The following ARHGAP33 variants were observed in gnomAD, a reference collection of about 807,000 sequenced individuals.
ARHGAP33 encodes Rho GTPase activating protein 33.
ARHGAP33 carries 57 observed loss-of-function variants against 126.2 expected under a neutral mutation model. The ratio of observed to expected loss-of-function variants is 0.45; its 90% CI spans 0.36 to 0.56. The LOEUF (loss-of-function observed/expected upper bound fraction) is 0.56. Ranked by LOEUF, ARHGAP33 falls within the 20% of genes least tolerant of loss-of-function variation. ARHGAP33 has a pLI of 0.00. For missense variants in ARHGAP33, 1,500 were observed against 1,748.3 expected (o/e 0.86, Z 2.53); for synonymous variants, 711 against 755.0 (o/e 0.94, Z 0.95).
intron 19 of ARHGAP33, 168 bp downstream of exon 19, chr19:35,785,651 T>C (rs1158784536): frequency 1.2e-5 from 17 of 1,440,002 alleles, no homozygotes; most frequent in South Asian, 7.3e-5. Context: ...CAGTATCACC[T>C]TTGGTTCATC....
intron 16 of ARHGAP33, chr19:35,784,557 T>G (rs1481783719): frequency 7.6e-7 from 1 of 1,308,752 alleles, no homozygotes; most frequent in African/African-American, 1.6e-5. Flanking sequence ...CCCTTGTAGC[T>G]CCTGGGGGCG....
rs1456330108 is a variant in ARHGAP33 at position 35,787,734 on chromosome 19, C to T, written c.3169C>T (p.Pro1057Ser). ...VPKPGLYPLG[P>S]PSFQPSSPAP... ...CAAGCCAGGCTTGTACCCCCTGGGC[C>T]CCCCATCCTTCCAGCCCAGTTCCCC... Residue 1057 changes from proline to serine, a missense_variant, in exon 21 of 21, where the codon CCC becomes TCC. Physicochemically the swap from Pro to Ser is moderately conservative, Grantham distance 74. Around this residue, in one of 6 missense-constraint regions of ARHGAP33, gnomAD observed 642 missense variants for 634.0 expected, o/e 1.01. Coordinates refer to ENST00000007510, the MANE Select transcript of ARHGAP33 (RefSeq NM_001366178.1). 4 of 1,584,952 alleles carry T rather than the reference C, an allele frequency of 2.5e-6. No homozygotes were observed. Among genetic ancestry groups the T allele is most frequent in the Non-Finnish European group, 3.4e-6 (4 of 1,169,528 alleles).
At chr19:35,781,391 T>C in intron 12 of ARHGAP33, 139 bp downstream of exon 12, 2 of 821,586 alleles carry the variant, frequency 2.4e-6, no homozygotes, top group Non-Finnish European at 3.9e-6. Context: ...GACAGCTCTC[T>C]TGAGAGTAGA....
rs1250853601 is a variant in ARHGAP33, at chr19:35,786,606, C to T, written c.2136C>T (p.His712=). 4 of 1,535,828 alleles carry T rather than the reference C, an allele frequency of 2.6e-6. No homozygotes were observed. The highest frequency in any genetic ancestry group is 1.7e-4 in the Middle Eastern group (1 of 5,978). ...GLGALSGSPS[H]RTSAWLDDGD... The stretch of plus-strand genomic sequence containing the variant: ...GGGCACTCTCTGGGTCTCCCTCACA[C>T]CGTACCTCAGCCTGGCTAGATGATG... The change falls in exon 20 of 21, where the codon CAC becomes CAT. Residue 712 remains histidine, a synonymous_variant. Coordinates refer to ENST00000007510, the MANE Select transcript of ARHGAP33 (RefSeq NM_001366178.1). This position sits in a 1 kb window ranked among gnomAD's most constrained non-coding sequence, Gnocchi z 7.0.
In ARHGAP33 at chr19:35,786,917, C is replaced by T. The variant is rs1278686844; in HGVS notation, c.2447C>T (p.Ala816Val). Residue 816 changes from alanine (A) to valine (V), a missense_variant, in exon 20 of 21, where the codon GCA becomes GTA. Physicochemically the swap from Ala to Val is moderately conservative, Grantham distance 64. Coordinates refer to ENST00000007510, the MANE Select transcript of ARHGAP33 (RefSeq NM_001366178.1). This position sits in a 1 kb window ranked among gnomAD's most constrained non-coding sequence, Gnocchi z 7.0. ...CTAGAACTGCTGGGGGCTGGGGGAG[C>T]ACCTGCCTCAGCCACCCCAACACCA... ...AVLELLGAGG[A>V]PASATPTPAL... The T allele has an allele frequency of 1.2e-6, 2 of 1,609,790 alleles. No individual in the cohort carries two copies. Among genetic ancestry groups the T allele is most frequent in the Admixed American group, 1.7e-5 (1 of 59,904 alleles).
intron 5 of ARHGAP33, 174 bp downstream of exon 5, chr19:35,778,775 T>C: frequency 9.2e-7 from 1 of 1,090,136 alleles, no homozygotes; most frequent in Non-Finnish European, 1.3e-6. Context: ...TACATTTAGC[T>C]TTGCTAAGTT....
chr19:35,786,995 G>C lies in ARHGAP33; in HGVS notation c.2525G>C (p.Arg842Pro). The C allele has an allele frequency of 1.2e-6, 2 of 1,609,584 alleles. No individual in the cohort carries two copies. Among genetic ancestry groups the C allele is most frequent in the Non-Finnish European group, 1.7e-6 (2 of 1,178,450 alleles). Residue 842 changes from arginine to proline, a missense_variant, in exon 20 of 21, where the codon CGA (arginine) becomes CCA (proline). Arg to Pro is a moderately radical substitution (Grantham distance 103). Transcript: ENST00000007510. The surrounding 1 kb of genome is among the most constrained non-coding windows in gnomAD (Gnocchi z 7.0). ...LRPHLIPLLL[R>P]GAEAPLTDAC... Reference sequence around the variant, plus strand: ...CCCCATCTCATACCCCTGCTGCTGCGAGGAGCCGAGGCCCCGCTGACTGAC... The same window carrying C: ...CCCCATCTCATACCCCTGCTGCTGCCAGGAGCCGAGGCCCCGCTGACTGAC...
At chr19:35,783,214 G>T (rs1173396080) in intron 15 of ARHGAP33, among the ~76,000 whole-genome samples, 1 of 152,210 alleles carries the variant, frequency 6.6e-6, no homozygotes, top group Non-Finnish European at 1.5e-5. Context: ...GCTTTGGCAG[G>T]TCTTCTGTGG....
chr19:35,779,565 G>A (rs1030513744), intron 6 of ARHGAP33, among the ~76,000 whole-genome samples: 2 of 152,142 alleles, frequency 1.3e-5, no homozygotes, highest in African/African-American at 4.8e-5. Flanking sequence ...GAGTAGCTGG[G>A]ATTACAGGCA....
chr19:35,784,151 C>T, intron 15 of ARHGAP33, 21 bp from the exon 16 acceptor site: 1 of 1,599,354 alleles, frequency 6.3e-7, no homozygotes. Context: ...ACCCAGCCTC[C>T]CTCCCGCTCC....
rs1228786095 is a variant in ARHGAP33 at position 35,785,590 on chromosome 19, C to T, written c.1942+107C>T. On this transcript the variant is annotated intron_variant, in intron 19 of 20. Coordinates refer to ENST00000007510, the MANE Select transcript of ARHGAP33 (RefSeq NM_001366178.1). ...ATTTTATACTTCACATTTGGGGGCC[C>T]TGGGGCTTTTGAAAAATTTAACCTG... is the stretch of plus-strand genomic sequence containing the variant. 5 of 1,540,604 alleles carry T rather than the reference C, an allele frequency of 3.2e-6. No individual in the cohort carries two copies. In the African/African-American group the frequency reaches 5.5e-5, roughly 17 times the overall value.
rs185730488 is a variant in ARHGAP33 at position 35,779,428 on chromosome 19, G to A, written c.501+304G>A. Among the ~76,000 whole-genome samples the A allele has an allele frequency of 2.6e-5, 4 of 152,182 alleles. No individual in the cohort carries two copies. The East Asian group carries it at 7.7e-4, about 29-fold the overall frequency. On this transcript the variant is annotated intron_variant, in intron 6 of 20. Coordinates refer to ENST00000007510, the MANE Select transcript of ARHGAP33 (RefSeq NM_001366178.1). ...CTGGCTATGAGTGGCTTAAACCAGA[G>A]GGGTTTTTTTTCTTTTCTTGAGATG...
Position 35,788,611 on chromosome 19 carries a change from T to C in ARHGAP33, c.*182T>C. Reference sequence around the variant, plus strand: ...AGCTTCCCTACCCTGGACTGAAGGGTCTGCCCATCCCCCCACCACCCTCCA... The same window carrying C: ...AGCTTCCCTACCCTGGACTGAAGGGCCTGCCCATCCCCCCACCACCCTCCA... On this transcript the variant is annotated 3_prime_UTR_variant, in exon 21 of 21. Coordinates refer to ENST00000007510, the MANE Select transcript of ARHGAP33 (RefSeq NM_001366178.1). The C allele has an allele frequency of 1.8e-6, 1 of 569,528 alleles. No homozygotes were observed. Among genetic ancestry groups the C allele is most frequent in the Non-Finnish European group, 2.9e-6 (1 of 340,718 alleles). The allele number at this position is 569,528 out of a possible 1,614,324, so 35.3% of individuals were successfully genotyped here.
At chr19:35,784,617 A>ACCCCCCC in intron 16 of ARHGAP33, 1 of 1,278,742 alleles carries the variant, frequency 7.8e-7, no homozygotes, top group African/African-American at 1.6e-5. Context: ...CCCAGACTTG[A>ACCCCCCC]CCCCGCCCCG....
intron 6 of ARHGAP33, among the ~76,000 whole-genome samples, chr19:35,779,517 C>T (rs1032594073): frequency 1.3e-5 from 2 of 152,136 alleles, no homozygotes; most frequent in African/African-American, 4.8e-5. Context: ...ACAACCCCTG[C>T]CTCCCAGGTT....
Position 35,775,673 on chromosome 19 carries a change from C to T in ARHGAP33, c.6+9C>T. The T allele has an allele frequency of 6.5e-7, 1 of 1,547,318 alleles. No individual in the cohort carries two copies. Among genetic ancestry groups the T allele is most frequent in the East Asian group, 2.7e-5 (1 of 37,498 alleles). On this transcript the variant is annotated intron_variant, in intron 1 of 20. Transcript: ENST00000007510. ...GCTACGCGACCATGGTGGTAAGGGT[C>T]CCACGCGGCCGTCAGCCTGTCCGTC...
At chr19:35,785,700 C>T in intron 19 of ARHGAP33, 3 of 1,406,652 alleles carry the variant, frequency 2.1e-6, no homozygotes, top group East Asian at 5.4e-5. Flanking sequence ...CCATGACGGG[C>T]CCTTTAAAAG....
chr19:35,787,800 C>T lies in ARHGAP33; in HGVS notation c.3235C>T (p.Leu1079Phe), dbSNP rs1033837041. ...GAGCTCTCTGGGCCCCCCTGCACCA[C>T]TCGACAGGGGAGAGAACCTGTACTA... ...WRSSLGPPAP[L>F]DRGENLYYEI... The change falls in exon 21 of 21, where the codon CTC becomes TTC. Residue 1079 changes from leucine (L) to phenylalanine (F), a missense_variant. Coordinates refer to ENST00000007510, the MANE Select transcript of ARHGAP33 (RefSeq NM_001366178.1). The T allele has an allele frequency of 6.3e-7, 1 of 1,597,542 alleles. No individual in the cohort carries two copies. The highest frequency in any genetic ancestry group is 8.5e-7 in the Non-Finnish European group (1 of 1,174,104).
rs182607688 is a variant in ARHGAP33, at chr19:35,782,964, G to A, written c.1421+95G>A. On this transcript the variant is annotated intron_variant, in intron 15 of 20. Coordinates refer to ENST00000007510, the MANE Select transcript of ARHGAP33 (RefSeq NM_001366178.1). This position sits in a 1 kb window ranked among gnomAD's most constrained non-coding sequence, Gnocchi z 4.1. The stretch of plus-strand genomic sequence containing the variant: ...TTTCTTTTGTTTATTCATCGAATAC[G>A]TGTCTATCAAATACCTCCCATGGAC... 1.3e-4 allele frequency: 143 copies of A among 1,106,292 alleles called. 1 individual carries two copies. The highest frequency in any genetic ancestry group is 2.4e-5 in the Non-Finnish European group (18 of 765,060). 68.5% of individuals were successfully genotyped at this position (1,106,292 alleles called of 1,614,324 possible). A position where few individuals can be genotyped will look rare whatever the true frequency, so the allele number is the denominator to read the frequency against.
Sources: allele counts gnomAD v4.1 joint callset (sites outside exome capture counted in the v4.1 genomes callset), GRCh38; gene constraint gnomAD v4.1.1; regional missense constraint gnomAD v4.1.1; non-coding constraint Gnocchi (gnomAD v3.1); transcripts MANE v1.5; gene names NCBI Gene and HGNC (gene_info 2026-07-23, HGNC 2026-07-21).